The following FAT3 variants were observed in gnomAD, a reference collection of about 807,000 sequenced individuals.
FAT3 encodes the protein protocadherin Fat 3.
In FAT3, 95 loss-of-function variants were observed where a neutral mutation model predicts 310.2. The ratio of observed to expected loss-of-function variants is 0.31; its 90% CI spans 0.26 to 0.36. The LOEUF is 0.36. FAT3 is among the 10% of genes least tolerant of loss of function. FAT3 has a pLI of 1.00. For missense variants in FAT3, 5,408 were observed against 5,715.6 expected (o/e 0.95, Z 1.74); for synonymous variants, 2,314 against 2,192.9 (o/e 1.06, Z -1.54).
Position 92,883,146 on chromosome 11 carries a change from C to T in FAT3, c.12690C>T (p.Val4230=), listed in dbSNP as rs1423425083. 1.2e-6 allele frequency: 2 copies of T among 1,613,582 alleles called. No individual in the cohort carries two copies. The change falls in exon 24 of 28, where the codon GTC becomes GTT. Residue 4230 remains valine (V), a synonymous_variant. Transcript: ENST00000525166. This position sits in a 1 kb window ranked among gnomAD's most constrained non-coding sequence, Gnocchi z 4.2. The stretch of plus-strand genomic sequence containing the variant: ...ACCAGGAGGTGGGGCCCCCGCAGGT[C>T]CCCGTGCGCCCCATGGCCTACACAC... ...NVYQEVGPPQ[V]PVRPMAYTPC...
intron 2 of FAT3, among the ~76,000 whole-genome samples, chr11:92,507,432 T>A (rs2135295069): frequency 6.6e-6 from 1 of 152,154 alleles, no homozygotes; most frequent in South Asian, 2.1e-4. Flanking sequence ...TTTTGAGGAT[T>A]TCACTCATGT....
At chr11:92,308,255 G>A (rs1032187188) in intron 1 of FAT3, among the ~76,000 whole-genome samples, 2 of 152,178 alleles carry the variant, frequency 1.3e-5, no homozygotes, top group Non-Finnish European at 2.9e-5. Context: ...AGAGTAAGCA[G>A]AGAACAGAAT....
intron 3 of FAT3, among the ~76,000 whole-genome samples, chr11:92,541,641 A>G (rs1225049071): frequency 1.3e-5 from 2 of 152,148 alleles, no homozygotes; most frequent in Non-Finnish European, 2.9e-5. Flanking sequence ...GAATTGCAGT[A>G]TCAAGTTTGT....
chr11:92,742,743 G>A (rs2136030677), intron 4 of FAT3, among the ~76,000 whole-genome samples: 1 of 152,262 alleles, frequency 6.6e-6, no homozygotes, highest in East Asian at 1.9e-4. Flanking sequence ...GACTTCCCAG[G>A]CTCCAGAACT....
chr11:92,324,169 G>C (rs1278910334), intron 1 of FAT3, among the ~76,000 whole-genome samples: 2 of 152,164 alleles, frequency 1.3e-5, no homozygotes, highest in African/African-American at 4.8e-5. Context: ...CAGCAATAAG[G>C]CTGTTTTGCT....
At chr11:92,387,658 G>T (rs190083345) in intron 2 of FAT3, among the ~76,000 whole-genome samples, 4 of 152,286 alleles carry the variant, frequency 2.6e-5, no homozygotes, top group Admixed American at 6.5e-5. Context: ...GCTTGTTGTG[G>T]TGTGCATGGA....
intron 1 of FAT3, among the ~76,000 whole-genome samples, chr11:92,317,407 G>A (rs544921088): frequency 6.6e-6 from 1 of 152,178 alleles, no homozygotes; most frequent in Non-Finnish European, 1.5e-5. Context: ...TCAGAAAGGG[G>A]GATTGGCTAA....
intron 2 of FAT3, among the ~76,000 whole-genome samples, chr11:92,516,189 A>C (rs1038403806): frequency 3.3e-5 from 5 of 152,148 alleles, no homozygotes; most frequent in African/African-American, 9.7e-5. Context: ...CAACAAAAAA[A>C]GAAAATTTCA....
chr11:92,480,166 G>C (rs1361390709), intron 2 of FAT3, among the ~76,000 whole-genome samples: 1 of 152,100 alleles, frequency 6.6e-6, no homozygotes, highest in African/African-American at 2.4e-5. Flanking sequence ...TCAGGAGGCT[G>C]AGGCAGGAGA....
rs368373562 is a variant in FAT3 at position 92,834,217 on chromosome 11, CTG to C, written c.9872-650_9872-649del. On this transcript the variant is annotated intron_variant, in intron 14 of 27. Coordinates refer to ENST00000525166, the MANE Select transcript of FAT3 (RefSeq NM_001367949.2). ...ACATGTTCTACTTATTTAAGCAATT[CTG>C]TGACATGGACATTATCATCTCTCTT... Among the ~76,000 whole-genome samples, 872 of 152,322 alleles carry C rather than the reference CTG, an allele frequency of 5.7e-3. 10 individuals carry two copies. Among genetic ancestry groups the C allele is most frequent in the African/African-American group, 0.02 (835 of 41,584 alleles).
At chr11:92,718,958 T>A (rs1944772069) in intron 4 of FAT3, among the ~76,000 whole-genome samples, 1 of 152,172 alleles carries the variant, frequency 6.6e-6, no homozygotes, top group Non-Finnish European at 1.5e-5. Context: ...TAGCCTTTGG[T>A]TCTTCTCTAT....
At chr11:92,747,944 C>T (rs1052045466) in intron 4 of FAT3, among the ~76,000 whole-genome samples, 1 of 152,198 alleles carries the variant, frequency 6.6e-6, no homozygotes, top group African/African-American at 2.4e-5. Context: ...ACATTGTTCT[C>T]TCTTCTTCTG....
intron 3 of FAT3, among the ~76,000 whole-genome samples, chr11:92,530,104 G>T (rs1954016825): frequency 6.6e-6 from 1 of 152,252 alleles, no homozygotes; most frequent in South Asian, 2.1e-4. Flanking sequence ...GATGTCTTTA[G>T]TTTTTTAATC....
intron 1 of FAT3, among the ~76,000 whole-genome samples, chr11:92,314,988 C>T (rs1182654856): frequency 6.6e-6 from 1 of 151,970 alleles, no homozygotes; most frequent in Non-Finnish European, 1.5e-5. Context: ...GGTATGTCAG[C>T]TCAAGACTTT....
rs1197506230 is a variant in FAT3, at chr11:92,352,938, T to C, written c.826T>C (p.Leu276=). Residue 276 remains leucine (L), a synonymous_variant, in exon 2 of 28, where the codon TTG becomes CTG. Coordinates refer to ENST00000525166, the MANE Select transcript of FAT3 (RefSeq NM_001367949.2). ...TGTAGTCACTCATGTTCCTTTCTCG[T>C]TGGAAAAAGAGCCAACATATGCAGT... is the stretch of plus-strand genomic sequence containing the variant. ...IHVVTHVPFS[L]EKEPTYAVVT... The C allele has an allele frequency of 1.9e-6, 3 of 1,613,700 alleles. No homozygotes were observed. Among genetic ancestry groups the C allele is most frequent in the Admixed American group, 1.7e-5 (1 of 59,936 alleles).
chr11:92,698,035 ATTCT>A (rs1413046780), intron 4 of FAT3, among the ~76,000 whole-genome samples: 4 of 152,204 alleles, frequency 2.6e-5, no homozygotes, highest in Non-Finnish European at 4.4e-5. Context: ...TTTGCAGCAC[ATTCT>A]TTCTTTAAGC....
In FAT3 at chr11:92,883,288, C is replaced by T; in HGVS notation, c.12832C>T (p.Arg4278Trp). 2 of 1,612,548 alleles carry T rather than the reference C, an allele frequency of 1.2e-6. No homozygotes were observed. The highest frequency in any genetic ancestry group is 1.7e-6 in the Non-Finnish European group (2 of 1,179,834). ...PESPRILTAR[R>W]GVVVCSVAPN... ...GTCGCCCCGCATCCTGACAGCCCGG[C>T]GGGGCGTGGTCGTGTGCAGTGTGGC... Residue 4278 changes from arginine to tryptophan, a missense_variant, in exon 24 of 28, where the codon CGG (arginine) becomes TGG (tryptophan). Physicochemically the swap from Arg to Trp is moderately radical, Grantham distance 101 (BLOSUM62 -3). Transcript: ENST00000525166. The surrounding 1 kb of genome is among the most constrained non-coding windows in gnomAD (Gnocchi z 4.2).
intron 1 of FAT3, among the ~76,000 whole-genome samples, chr11:92,294,118 T>C (rs1946783574): frequency 6.6e-6 from 1 of 152,002 alleles, no homozygotes; most frequent in East Asian, 1.9e-4. Flanking sequence ...GCCTATTTGG[T>C]TTCTGATGAG....
Position 92,610,623 on chromosome 11 carries a change from G to A in FAT3, c.3607+85675G>A, listed in dbSNP as rs1053892887. Among the ~76,000 whole-genome samples, 3 of 152,102 alleles carry A rather than the reference G, an allele frequency of 2.0e-5. No homozygotes were observed. The South Asian group carries it at 6.2e-4, about 32-fold the overall frequency. Reference sequence around the variant, plus strand: ...CAGTTTAAGCCTCTTGTCCTCAGGGGAGCTTTCTCTGGCATCTCAGATCAG... The same window carrying A: ...CAGTTTAAGCCTCTTGTCCTCAGGGAAGCTTTCTCTGGCATCTCAGATCAG... On this transcript the variant is annotated intron_variant, in intron 3 of 27. Transcript: ENST00000525166.
Sources: allele counts gnomAD v4.1 joint callset (sites outside exome capture counted in the v4.1 genomes callset), GRCh38; gene constraint gnomAD v4.1.1; non-coding constraint Gnocchi (gnomAD v3.1); transcripts MANE v1.5; gene names NCBI Gene and HGNC (gene_info 2026-07-23, HGNC 2026-07-21).